Variants in PGM1 observed in about 807,000 individuals in gnomAD.
PGM1 encodes the protein phosphoglucomutase 1.
Under a neutral mutation model 55.6 loss-of-function variants are expected in PGM1, and 52 were observed. The ratio of observed to expected loss-of-function variants is 0.94; its 90% CI spans 0.75 to 1.18. The LOEUF (loss-of-function observed/expected upper bound fraction) is 1.18, where lower values mean the gene tolerates loss of function less well. Ranked by LOEUF, PGM1 falls within the 50% of genes most tolerant of loss-of-function variation. The pLI, the probability that PGM1 is intolerant of heterozygous loss-of-function variation, is 0.00. For synonymous variants in PGM1, 287 were observed against 271.7 expected (o/e 1.06, Z -0.55); for missense variants, 724 against 729.3 (o/e 0.99, Z 0.08).
Position 63,634,842 on chromosome 1 carries a change from TG to T in PGM1, c.697del (p.Val233Ter). ...DAMHGVVGPYVKKILCEELGA... is the reference protein window; with the variant it reads ...DAMHGVVGPYXKKILCEELGA... ...TGCTGTATATAGTTGTGGGACCGTA[TG>T]TAAAGAAGATCCTCTGTGAAGAACT... On this transcript the variant is annotated frameshift_variant, in exon 5 of 11. Transcript: ENST00000371084. LOFTEE classifies it high-confidence loss of function. 1 of 1,612,994 alleles carries T rather than the reference TG, an allele frequency of 6.2e-7. No homozygotes were observed. The highest frequency in any genetic ancestry group is 2.2e-5 in the East Asian group (1 of 44,866).
Position 63,603,265 on chromosome 1 carries a change from C to T in PGM1, c.246+9531C>T, listed in dbSNP as rs570470489. ...GAAAAGAGCCTGGGAACTGCCCCCA[C>T]TCTTCCTAGAATGTAAGGGGTGTTG... On this transcript the variant is annotated intron_variant, in intron 1 of 10. Coordinates refer to ENST00000371084, the MANE Select transcript of PGM1 (RefSeq NM_002633.3). 2.9e-4 allele frequency among the ~76,000 whole-genome samples: 44 copies of T among 152,360 alleles called. 2 individuals carry two copies. In the South Asian group the frequency reaches 8.7e-3, roughly 30 times the overall value.
intron 7 of PGM1, 59 bp from the exon 8 acceptor site, chr1:63,648,458 C>T (rs754927896): frequency 8.7e-6 from 14 of 1,605,216 alleles, no homozygotes; most frequent in Non-Finnish European, 1.2e-5. Flanking sequence ...ATATCAAGTA[C>T]CTTCTCAGGT....
intron 1 of PGM1, among the ~76,000 whole-genome samples, chr1:63,615,537 T>C (rs1570481397): frequency 7.5e-6 from 1 of 132,618 alleles, no homozygotes; most frequent in East Asian, 2.3e-4. Context: ...ATTTCTCTCC[T>C]CTTCTTCTTC....
chr1:63,640,077 C>T (rs1187052160), intron 7 of PGM1, among the ~76,000 whole-genome samples: 1 of 152,158 alleles, frequency 6.6e-6, no homozygotes, highest in Non-Finnish European at 1.5e-5. Flanking sequence ...GGCATGGTGC[C>T]ATGCTATTCT....
chr1:63,631,302 C>T (rs191851942), intron 3 of PGM1, among the ~76,000 whole-genome samples: 1 of 152,298 alleles, frequency 6.6e-6, no homozygotes, highest in Non-Finnish European at 1.5e-5. Context: ...CTCAAGATGA[C>T]GAATGGGGAA....
intron 1 of PGM1, chr1:63,623,284 G>A (rs772972203): frequency 7.0e-6 from 10 of 1,437,798 alleles, no homozygotes; most frequent in Non-Finnish European, 9.1e-6. Flanking sequence ...TTGTTCACAA[G>A]GGACAACAAC....
chr1:63,635,068 C>A (rs757083088), intron 5 of PGM1, 49 bp downstream of exon 5: 2 of 1,519,504 alleles, frequency 1.3e-6, no homozygotes, highest in South Asian at 1.1e-5. Flanking sequence ...CAGGCCTGAT[C>A]CTGCAGATGG....
intron 1 of PGM1, among the ~76,000 whole-genome samples, chr1:63,614,964 C>T (rs1648671331): frequency 6.6e-6 from 1 of 152,156 alleles, no homozygotes; most frequent in Non-Finnish European, 1.5e-5. Context: ...GCCAGAAAGG[C>T]CATATACCAC....
At chr1:63,609,255 G>A (rs965869118) in intron 1 of PGM1, among the ~76,000 whole-genome samples, 4 of 152,234 alleles carry the variant, frequency 2.6e-5, no homozygotes, top group Non-Finnish European at 5.9e-5. Flanking sequence ...GATATTTCAG[G>A]ATGGATCTGT....
chr1:63,649,405 T>C (rs1649744711), intron 8 of PGM1, among the ~76,000 whole-genome samples: 1 of 152,206 alleles, frequency 6.6e-6, no homozygotes, highest in Admixed American at 6.5e-5. Flanking sequence ...CCAATTTGCC[T>C]TTCCCCCAGT....
chr1:63,623,378 A>T, intron 1 of PGM1: 1 of 1,536,072 alleles, frequency 6.5e-7, no homozygotes, highest in Non-Finnish European at 8.7e-7. Flanking sequence ...ACACTGTTGC[A>T]GCTTCAGGTT....
intron 6 of PGM1, among the ~76,000 whole-genome samples, chr1:63,637,494 T>C (rs1443894258): frequency 1.3e-5 from 2 of 152,314 alleles, no homozygotes; most frequent in Non-Finnish European, 2.9e-5. Context: ...ATCCATATAG[T>C]GGTTTGTAGT....
At chr1:63,653,943 C>T (rs959282029) in intron 9 of PGM1, among the ~76,000 whole-genome samples, 2 of 152,200 alleles carry the variant, frequency 1.3e-5, no homozygotes, top group African/African-American at 4.8e-5. Flanking sequence ...CCCCTTTGGT[C>T]CATGTTTCCC....
chr1:63,632,359 A>G (rs1386276667), intron 4 of PGM1, among the ~76,000 whole-genome samples: 1 of 152,158 alleles, frequency 6.6e-6, no homozygotes, highest in African/African-American at 2.4e-5. Flanking sequence ...GGTATATGAG[A>G]ATCCCTGAAA....
intron 7 of PGM1, among the ~76,000 whole-genome samples, chr1:63,648,085 A>C (rs150747064): frequency 3.6e-4 from 55 of 152,258 alleles, no homozygotes; most frequent in African/African-American, 1.3e-3. Context: ...CCTACTGTTG[A>C]GTACTGTATT....
chr1:63,639,720 C>G (rs1020792396), intron 7 of PGM1, among the ~76,000 whole-genome samples: 3 of 152,080 alleles, frequency 2.0e-5, no homozygotes, highest in Non-Finnish European at 2.9e-5. Flanking sequence ...AGATCAAAAT[C>G]AAGCATTCTC....
intron 1 of PGM1, among the ~76,000 whole-genome samples, chr1:63,621,845 A>G (rs1354722392): frequency 2.6e-5 from 4 of 152,210 alleles, no homozygotes; most frequent in Non-Finnish European, 4.4e-5. Flanking sequence ...CCAGTGGCCT[A>G]CTTTCTGCTT....
rs140357031 is a variant in PGM1 at position 63,651,678 on chromosome 1, C to T, written c.1290C>T (p.Tyr430=). Residue 430 remains tyrosine, a synonymous_variant, in exon 9 of 11, where the codon TAC becomes TAT. Transcript: ENST00000371084. ...TCGTGACTTCTTCCAGGTATGATTACGAGGAGGTGGAAGCTGAGGGCGCAA... is the reference window on the plus strand; with the variant it reads ...TCGTGACTTCTTCCAGGTATGATTATGAGGAGGTGGAAGCTGAGGGCGCAA... ...YGRNFFTRYD[Y]EEVEAEGANK... 113 of 1,613,466 alleles carry T rather than the reference C, an allele frequency of 7.0e-5. No homozygotes were observed. In the African/African-American group the frequency reaches 1.3e-3, roughly 19 times the overall value.
Position 63,648,630 on chromosome 1 carries a change from T to C in PGM1, c.1258T>C (p.Tyr420His), listed in dbSNP as rs11208257. ...CATTCTCAAAGATCATTGGCAAAAG[T>C]ATGGCCGGAATTTCTTCACCAGGTG... ...EDILKDHWQK[Y>H]GRNFFTRYDY... Residue 420 changes from tyrosine (Y) to histidine (H), a missense_variant, in exon 8 of 11, where the codon TAT becomes CAT. Tyr to His is a moderately conservative substitution (Grantham distance 83). Transcript: ENST00000371084. 0.2 allele frequency: 326,908 copies of C among 1,613,620 alleles called. 35,538 individuals are homozygous for C. Among genetic ancestry groups the C allele is most frequent in the Admixed American group, 0.4 (23,698 of 59,994 alleles).
Sources: gnomAD v4.1 joint callset for allele counts (sites outside exome capture counted in the v4.1 genomes callset) on GRCh38, gnomAD v4.1.1 for gene constraint, MANE v1.5 for transcripts, NCBI Gene and HGNC (gene_info 2026-07-23, HGNC 2026-07-21) for gene names.